Variants in GRM1 observed in about 807,000 individuals in gnomAD.
GRM1 encodes glutamate metabotropic receptor 1.
GRM1 carries 33 observed loss-of-function variants against 90.9 expected under a neutral mutation model. That is an observed-to-expected ratio of 0.36 (90% CI 0.28 to 0.49). The LOEUF (loss-of-function observed/expected upper bound fraction) is 0.49, where lower values mean the gene tolerates loss of function less well. Ranked by LOEUF, GRM1 falls within the 20% of genes least tolerant of loss-of-function variation. The probability of loss-of-function intolerance (pLI) is 0.99; values close to 1 mark genes in which losing one functional copy is unlikely to be tolerated. For missense variants in GRM1, 1,190 were observed against 1,534.3 expected, an observed-to-expected ratio of 0.78 and a Z score of 3.75; for synonymous variants, 700 against 613.2, an observed-to-expected ratio of 1.14 and a Z score of -2.09.
chr6:146,209,677 G>A (rs1006131968), intron 2 of GRM1, among the ~76,000 whole-genome samples: 51 of 152,256 alleles, frequency 3.3e-4, no homozygotes, highest in African/African-American at 1.1e-3. Context: ...GGAGATGTTT[G>A]AGACGTTATC....
chr6:146,314,001 A>T (rs1783866922), intron 3 of GRM1, among the ~76,000 whole-genome samples: 1 of 147,906 alleles, frequency 6.8e-6, no homozygotes, highest in Admixed American at 6.8e-5. Flanking sequence ...TTTACTCAGC[A>T]CAATTATTTT....
chr6:146,154,621 A>T (rs1276074432), intron 1 of GRM1, among the ~76,000 whole-genome samples: 1 of 152,242 alleles, frequency 6.6e-6, no homozygotes, highest in Non-Finnish European at 1.5e-5. Flanking sequence ...CTTTTAAAAA[A>T]TACAGGAATG....
chr6:146,413,059 T>C (rs746347211), intron 7 of GRM1, among the ~76,000 whole-genome samples: 2 of 152,194 alleles, frequency 1.3e-5, no homozygotes, highest in Non-Finnish European at 2.9e-5. Flanking sequence ...AGAGTAGATT[T>C]CTCAGGAAAA....
At chr6:146,374,019 G>T (rs902862731) in intron 5 of GRM1, among the ~76,000 whole-genome samples, 15 of 152,182 alleles carry the variant, frequency 9.9e-5, no homozygotes, top group African/African-American at 3.6e-4. Context: ...TGGCTTTTAT[G>T]ATGTTGAGAT....
At chr6:146,178,323 A>G (rs1468611810) in intron 2 of GRM1, among the ~76,000 whole-genome samples, 1 of 152,160 alleles carries the variant, frequency 6.6e-6, no homozygotes, top group Admixed American at 6.5e-5. Flanking sequence ...GGGGATTAAG[A>G]CCACAGAGGT....
intron 1 of GRM1, among the ~76,000 whole-genome samples, chr6:146,088,032 T>TTTGGC (rs1776601813): frequency 6.6e-6 from 1 of 152,176 alleles, no homozygotes; most frequent in African/African-American, 2.4e-5. Context: ...TTTTCCAGAG[T>TTTGGC]AGCTGTATCA....
At chr6:146,283,453 G>A (rs1782651999) in intron 2 of GRM1, among the ~76,000 whole-genome samples, 1 of 152,120 alleles carries the variant, frequency 6.6e-6, no homozygotes, top group South Asian at 2.1e-4. Context: ...GGTTTTATGG[G>A]CATACTTCTG....
chr6:146,161,455 T>C (rs1265402575), intron 2 of GRM1, among the ~76,000 whole-genome samples: 1 of 152,214 alleles, frequency 6.6e-6, no homozygotes, highest in African/African-American at 2.4e-5. Flanking sequence ...ATTGAACTCA[T>C]ACAAGTATTT....
At chr6:146,334,791 G>A (rs1212411391) in intron 3 of GRM1, among the ~76,000 whole-genome samples, 2 of 152,260 alleles carry the variant, frequency 1.3e-5, no homozygotes, top group African/African-American at 2.4e-5. Context: ...ATCTTCATAT[G>A]CCCTTTGTGC....
chr6:146,277,572 A>C (rs1182248747), intron 2 of GRM1, among the ~76,000 whole-genome samples: 1 of 152,226 alleles, frequency 6.6e-6, no homozygotes, highest in Non-Finnish European at 1.5e-5. Context: ...ATGTTTTTAC[A>C]CATTTCAAGA....
At chr6:146,349,414 C>T (rs1785312510) in intron 3 of GRM1, among the ~76,000 whole-genome samples, 1 of 151,930 alleles carries the variant, frequency 6.6e-6, no homozygotes, top group African/African-American at 2.4e-5. Flanking sequence ...AAGCTATTGC[C>T]TTTACTTTAA....
intron 1 of GRM1, among the ~76,000 whole-genome samples, chr6:146,084,660 T>C (rs1195491907): frequency 3.3e-5 from 5 of 152,206 alleles, no homozygotes; most frequent in South Asian, 4.1e-4. Flanking sequence ...CTTTCAATTA[T>C]GTGGTCAATT....
intron 1 of GRM1, among the ~76,000 whole-genome samples, chr6:146,060,752 C>T (rs1017803219): frequency 6.6e-6 from 1 of 152,012 alleles, no homozygotes; most frequent in African/African-American, 2.4e-5. Context: ...TTATATTCAT[C>T]TGGGTGTATA....
At chr6:146,213,081 G>C (rs557972790) in intron 2 of GRM1, among the ~76,000 whole-genome samples, 1 of 152,156 alleles carries the variant, frequency 6.6e-6, no homozygotes, top group South Asian at 2.1e-4. Flanking sequence ...GAATATATGG[G>C]GGCACCAGCG....
intron 2 of GRM1, among the ~76,000 whole-genome samples, chr6:146,211,272 A>T (rs1239207260): frequency 6.6e-6 from 1 of 151,902 alleles, no homozygotes; most frequent in African/African-American, 2.4e-5. Flanking sequence ...GACAGTTCTG[A>T]CACTTGATCA....
chr6:146,351,932 G>T (rs1422839382), intron 3 of GRM1, among the ~76,000 whole-genome samples: 1 of 152,172 alleles, frequency 6.6e-6, no homozygotes, highest in Admixed American at 6.5e-5. Context: ...AACAAAGAGG[G>T]AGTAAGAGTT....
chr6:146,224,640 C>G (rs776756644), intron 2 of GRM1, among the ~76,000 whole-genome samples: 1 of 152,056 alleles, frequency 6.6e-6, no homozygotes, highest in South Asian at 2.1e-4. Context: ...ATGTCCAGTC[C>G]GGTGTAATAG....
chr6:146,364,926 G>T (rs887691394), intron 5 of GRM1: 2 of 152,052 alleles, frequency 1.3e-5, no homozygotes, highest in African/African-American at 4.8e-5. Flanking sequence ...AGCCGTAACT[G>T]TCACATCCAC....
At chr6:146,343,678 T>TATTA (rs942078590) in intron 3 of GRM1, among the ~76,000 whole-genome samples, 88 of 151,382 alleles carry the variant, frequency 5.8e-4, no homozygotes, top group African/African-American at 2.0e-3. Context: ...TTATTATTAT[T>TATTA]ATTATTGAGA....
Sources: allele counts gnomAD v4.1 joint callset (sites outside exome capture counted in the v4.1 genomes callset), GRCh38; gene constraint gnomAD v4.1.1; transcripts MANE v1.5; gene names NCBI Gene and HGNC (gene_info 2026-07-23, HGNC 2026-07-21).